Variants in PKP1 observed in about 807,000 individuals in gnomAD.
PKP1 encodes plakophilin 1.
PKP1 carries 27 observed loss-of-function variants against 76.4 expected under a neutral mutation model. The ratio of observed to expected loss-of-function variants is 0.35; its 90% CI spans 0.26 to 0.49. The LOEUF (loss-of-function observed/expected upper bound fraction) is 0.49, where lower values mean the gene tolerates loss of function less well. Among genes scored for constraint, PKP1 ranks in the 20% least tolerant of loss-of-function variants. The pLI is 0.99. For missense variants in PKP1, 964 were observed against 955.2 expected, an observed-to-expected ratio of 1.01 and a Z score of -0.12; for synonymous variants, 404 against 384.2, an observed-to-expected ratio of 1.05 and a Z score of -0.60.
At chr1:201,285,220 CCACACACACACACACACACACACA>C (rs140683611) in intron 1 of PKP1, among the ~76,000 whole-genome samples, 6 of 136,756 alleles carry the variant, frequency 4.4e-5, no homozygotes, top group African/African-American at 1.6e-4. Context: ...GGCCCTTCCA[CCACACACACACACACACACACACA>C]CACACACACA....
At chr1:201,316,085 C>G (rs573415570) in intron 3 of PKP1, 1 of 133,684 alleles carries the variant, frequency 7.5e-6, no homozygotes, top group East Asian at 2.0e-4. Context: ...GATGGACGGA[C>G]AGACGGACGG....
At chr1:201,298,127 G>A (rs1456369800) in intron 2 of PKP1, among the ~76,000 whole-genome samples, 2 of 152,174 alleles carry the variant, frequency 1.3e-5, no homozygotes, top group Non-Finnish European at 2.9e-5. Context: ...TAGGGACCCA[G>A]CAGAATTACT....
chr1:201,327,810 G>A (rs1458323510), intron 12 of PKP1, among the ~76,000 whole-genome samples: 1 of 152,030 alleles, frequency 6.6e-6, no homozygotes, highest in Non-Finnish European at 1.5e-5. Context: ...GCATTGAGTT[G>A]TCACAAGCAC....
rs1172767467 is a variant in PKP1, at chr1:201,331,164, T to G, written c.*1123T>G. On this transcript the variant is annotated 3_prime_UTR_variant, in exon 14 of 14. Coordinates refer to ENST00000367324, the MANE Select transcript of PKP1 (RefSeq NM_001005337.3). ...GCCTGCTGTGAGTCAATTGAGGGAG[T>G]GTTTGGGGTCCCAGGAGACTTGGAC... The G allele has an allele frequency of 6.6e-6, 1 of 151,022 alleles. No individual in the cohort carries two copies. The highest frequency in any genetic ancestry group is 1.5e-5 in the Non-Finnish European group (1 of 67,850). 9.4% of individuals were successfully genotyped at this position (151,022 alleles called of 1,614,324 possible).
intron 1 of PKP1, among the ~76,000 whole-genome samples, chr1:201,292,020 T>C (rs1251896292): frequency 6.6e-6 from 1 of 152,150 alleles, no homozygotes; most frequent in Non-Finnish European, 1.5e-5. Context: ...AGCCAGAGGT[T>C]CAATGGGCCA....
At position 201,290,956 on chromosome 1, in the gene PKP1, T is replaced by C. The variant is rs116353436; in HGVS notation, c.203-2986T>C. Among the ~76,000 whole-genome samples the C allele has an allele frequency of 8.3e-3, 1,259 of 152,262 alleles. 12 individuals carry two copies. The highest frequency in any genetic ancestry group is 0.012 in the Non-Finnish European group (797 of 68,004). On this transcript the variant is annotated intron_variant, in intron 1 of 13. Transcript: ENST00000367324. ...TACACTCATTAGAAGCCCATGCTCT[T>C]GCTATTGAACTTGACTTTTAGAGGG...
intron 4 of PKP1, 150 bp from the exon 5 acceptor site, chr1:201,317,422 A>G (rs1299428671): frequency 1.4e-6 from 1 of 729,206 alleles, no homozygotes; most frequent in East Asian, 2.7e-5. Flanking sequence ...AGTTATCATG[A>G]CCTCACACTG....
chr1:201,326,055 G>A (rs1221021933), intron 12 of PKP1, among the ~76,000 whole-genome samples: 1 of 152,192 alleles, frequency 6.6e-6, no homozygotes, highest in Non-Finnish European at 1.5e-5. Flanking sequence ...AGAACATGGA[G>A]GGCAGAGGAA....
intron 7 of PKP1, among the ~76,000 whole-genome samples, chr1:201,321,580 A>G (rs1048793841): frequency 6.6e-6 from 1 of 152,144 alleles, no homozygotes; most frequent in African/African-American, 2.4e-5. Context: ...TCTGGAAAAA[A>G]AAAAAGACAC....
At chr1:201,286,253 AG>A (rs1267871338) in intron 1 of PKP1, among the ~76,000 whole-genome samples, 1 of 152,086 alleles carries the variant, frequency 6.6e-6, no homozygotes, top group African/African-American at 2.4e-5. Context: ...GGACAGATTC[AG>A]GTTCTTGTTT....
intron 1 of PKP1, among the ~76,000 whole-genome samples, chr1:201,288,899 G>A (rs1655817999): frequency 1.3e-5 from 2 of 152,186 alleles, no homozygotes; most frequent in South Asian, 2.1e-4. Flanking sequence ...AGTCACATGG[G>A]CTGGAGAGGG....
Position 201,318,618 on chromosome 1 carries a change from G to T in PKP1, c.1055G>T (p.Gly352Val). 1 of 1,612,058 alleles carries T rather than the reference G, an allele frequency of 6.2e-7. No individual in the cohort carries two copies. The highest frequency in any genetic ancestry group is 8.5e-7 in the Non-Finnish European group (1 of 1,179,870). ...GNAEIQKQLT[G>V]LLWNLSSTDE... The stretch of plus-strand genomic sequence containing the variant: ...TGGGTTGATGGTCTCTGACCCCCAG[G>T]GCTGCTCTGGAACCTGTCTTCCACT... The change falls in exon 6 of 14, where the codon GGG (glycine) becomes GTG (valine). Residue 352 changes from glycine (G) to valine (V), a missense_variant and splice_region_variant. Transcript: ENST00000367324.
chr1:201,311,303 C>T (rs1558189239), intron 2 of PKP1, among the ~76,000 whole-genome samples: 1 of 152,216 alleles, frequency 6.6e-6, no homozygotes, highest in Non-Finnish European at 1.5e-5. Flanking sequence ...TGCCCAGCTG[C>T]TCTCCCCATG....
At chr1:201,301,204 G>C (rs1019189926) in intron 2 of PKP1, among the ~76,000 whole-genome samples, 3 of 152,208 alleles carry the variant, frequency 2.0e-5, no homozygotes, top group Non-Finnish European at 4.4e-5. Context: ...GAGAGGGAAG[G>C]CCAGGGCAAT....
At chr1:201,324,227 C>G (rs1465101628) in intron 9 of PKP1, among the ~76,000 whole-genome samples, 3 of 152,044 alleles carry the variant, frequency 2.0e-5, no homozygotes, top group African/African-American at 4.8e-5. Flanking sequence ...GCAGGCTGAT[C>G]CAGGAGACAG....
chr1:201,321,054 T>C (rs1656924647), intron 7 of PKP1, among the ~76,000 whole-genome samples: 1 of 152,132 alleles, frequency 6.6e-6, no homozygotes, highest in Non-Finnish European at 1.5e-5. Flanking sequence ...GCTCAGGAGA[T>C]AGTGAGGCCC....
chr1:201,314,546 C>G (rs987299380), intron 3 of PKP1, among the ~76,000 whole-genome samples: 6 of 152,172 alleles, frequency 3.9e-5, no homozygotes, highest in African/African-American at 1.4e-4. Context: ...CAGAACAGAG[C>G]ACAACTCCTG....
At chr1:201,310,687 T>A (rs1423691880) in intron 2 of PKP1, among the ~76,000 whole-genome samples, 1 of 152,168 alleles carries the variant, frequency 6.6e-6, no homozygotes, top group African/African-American at 2.4e-5. Flanking sequence ...GCCATGATGA[T>A]GGGAGAGAGT....
chr1:201,301,486 A>G (rs887860305), intron 2 of PKP1, among the ~76,000 whole-genome samples: 2 of 152,052 alleles, frequency 1.3e-5, no homozygotes, highest in Non-Finnish European at 2.9e-5. Flanking sequence ...GGGAACACTT[A>G]TGCTTGGATG....
Sources: allele counts gnomAD v4.1 joint callset (sites outside exome capture counted in the v4.1 genomes callset), GRCh38; gene constraint gnomAD v4.1.1; transcripts MANE v1.5; gene names NCBI Gene and HGNC (gene_info 2026-07-23, HGNC 2026-07-21).